Variants in DHRSX observed in about 807,000 individuals in gnomAD.
DHRSX encodes polyprenol dehydrogenase.
Under a neutral mutation model 34.0 loss-of-function variants are expected in DHRSX, and 31 were observed. The ratio of observed to expected loss-of-function variants is 0.91; its 90% confidence interval spans 0.69 to 1.23. The LOEUF (loss-of-function observed/expected upper bound fraction) is 1.23, where lower values mean the gene tolerates loss of function less well. Among genes scored for constraint, DHRSX ranks in the 50% most tolerant of loss-of-function variants. The pLI is 0.00. For synonymous variants in DHRSX, 201 were observed against 183.8 expected (o/e 1.09, Z -0.76); for missense variants, 414 against 428.1 (o/e 0.97, Z 0.29).
chrX:2,363,893 G>A (rs370591677), intron 3 of DHRSX, among the ~76,000 whole-genome samples: 20 of 152,060 alleles, frequency 1.3e-4, no homozygotes, highest in Admixed American at 2.0e-4. Context: ...AAGAATCCCC[G>A]CCACAAAACC....
intron 1 of DHRSX, among the ~76,000 whole-genome samples, chrX:2,498,863 G>C (rs2045345775): frequency 6.6e-6 from 1 of 152,112 alleles, no homozygotes; most frequent in South Asian, 2.1e-4. Flanking sequence ...CCTTGCAACT[G>C]ATTACTTACT....
chrX:2,224,616 A>T (rs954255429), intron 6 of DHRSX, among the ~76,000 whole-genome samples: 8 of 152,168 alleles, frequency 5.3e-5, no homozygotes, highest in African/African-American at 1.9e-4. Flanking sequence ...ACACACGCAC[A>T]CACATATTCA....
At chrX:2,340,446 C>CTGTGTGTG (rs779075679) in intron 3 of DHRSX, among the ~76,000 whole-genome samples, 1 of 150,574 alleles carries the variant, frequency 6.6e-6, no homozygotes, top group African/African-American at 2.4e-5. Flanking sequence ...GTGCGTCTGT[C>CTGTGTGTG]TGTGTGTGTG....
chrX:2,297,407 G>A (rs1022339974), intron 3 of DHRSX, among the ~76,000 whole-genome samples: 5 of 152,114 alleles, frequency 3.3e-5, no homozygotes, highest in African/African-American at 1.2e-4. Context: ...ACCGTCGTGA[G>A]CCACCTTGCC....
intron 2 of DHRSX, among the ~76,000 whole-genome samples, chrX:2,424,090 G>C (rs2043813629): frequency 6.6e-6 from 1 of 152,106 alleles, no homozygotes; most frequent in Admixed American, 6.6e-5. Flanking sequence ...TCACCAGAGT[G>C]GGCCCCGATC....
intron 5 of DHRSX, among the ~76,000 whole-genome samples, chrX:2,243,833 C>A: frequency 1.3e-5 from 1 of 76,134 alleles, no homozygotes. Context: ...GAGACAGATT[C>A]TCACTCTGTC....
intron 4 of DHRSX, among the ~76,000 whole-genome samples, chrX:2,274,752 C>A (rs1283754480): frequency 5.3e-5 from 8 of 152,084 alleles, no homozygotes. Flanking sequence ...TTTTAAACCA[C>A]AGTGTCACGG....
intron 3 of DHRSX, chrX:2,392,562 A>G: frequency 5.5e-6 from 1 of 182,546 alleles, no homozygotes; most frequent in South Asian, 1.2e-4. Flanking sequence ...TGTATTATAT[A>G]TTATATGTTA....
Position 2,223,695 on chromosome X carries a change from C to G in DHRSX, c.805-2466G>C, listed in dbSNP as rs149148154. On this transcript the variant is annotated intron_variant, in intron 6 of 6. Coordinates refer to ENST00000334651, the MANE Select transcript of DHRSX (RefSeq NM_145177.3). ...GTTTGAGGGTCTTTCTCTGGGGCAG[C>G]CTTCAACGCAGAAAGAGGTTTTATT... 1.6e-3 allele frequency among the ~76,000 whole-genome samples: 238 copies of G among 151,754 alleles called. 2 individuals are homozygous for G. Among genetic ancestry groups the G allele is most frequent in the African/African-American group, 5.6e-3 (231 of 41,094 alleles).
At chrX:2,362,797 T>A (rs1569493797) in intron 3 of DHRSX, among the ~76,000 whole-genome samples, 2 of 149,886 alleles carry the variant, frequency 1.3e-5, no homozygotes, top group Admixed American at 6.7e-5. Context: ...CATGCCGCCA[T>A]TTTATCACCG....
At chrX:2,229,289 C>T (rs1347307082) in intron 6 of DHRSX, among the ~76,000 whole-genome samples, 1 of 152,032 alleles carries the variant, frequency 6.6e-6, no homozygotes, top group Non-Finnish European at 1.5e-5. Context: ...CGGAGTAATG[C>T]TGTGGTCAAA....
intron 1 of DHRSX, among the ~76,000 whole-genome samples, chrX:2,454,143 T>C (rs1389766487): frequency 6.6e-6 from 1 of 152,134 alleles, no homozygotes; most frequent in Admixed American, 6.6e-5. Flanking sequence ...TATTTAACAG[T>C]GTCTCCTCTT....
Position 2,422,942 on chromosome X carries a change from G to A in DHRSX, c.217+2255C>T, listed in dbSNP as rs1262139944. Among the ~76,000 whole-genome samples, 4 of 151,478 alleles carry A rather than the reference G, an allele frequency of 2.6e-5. No individual in the cohort carries two copies. The East Asian group carries it at 6.0e-4, about 23-fold the overall frequency. ...TGGGACTACAGGCGCCCACCACCACGCAGGCACTCACCCCCAAGCCCAGCT... is the reference window on the plus strand; with the variant it reads ...TGGGACTACAGGCGCCCACCACCACACAGGCACTCACCCCCAAGCCCAGCT... On this transcript the variant is annotated intron_variant, in intron 2 of 6. Transcript: ENST00000334651.
At chrX:2,493,879 C>T (rs1342085553) in intron 1 of DHRSX, among the ~76,000 whole-genome samples, 2 of 151,882 alleles carry the variant, frequency 1.3e-5, no homozygotes, top group Non-Finnish European at 2.9e-5. Flanking sequence ...GGCTGAGGCA[C>T]GAGAATCGTT....
In DHRSX at chrX:2,259,221, C is replaced by T. The variant is rs746417519; in HGVS notation, c.596+7519G>A. Among the ~76,000 whole-genome samples, 3 of 150,934 alleles carry T rather than the reference C, an allele frequency of 2.0e-5. No homozygotes were observed. In the East Asian group the frequency reaches 5.9e-4, roughly 29 times the overall value. On this transcript the variant is annotated intron_variant, in intron 5 of 6. Coordinates refer to ENST00000334651, the MANE Select transcript of DHRSX (RefSeq NM_145177.3). ...CCAGGAGGTAGAGGTTGCAGTGAGC[C>T]GAGATCGCACCACTGCATTGCAGCC...
chrX:2,329,381 A>G (rs2042429496), intron 3 of DHRSX, among the ~76,000 whole-genome samples: 2 of 152,176 alleles, frequency 1.3e-5, no homozygotes, highest in Non-Finnish European at 1.5e-5. Flanking sequence ...TTCAAACGCC[A>G]TATTGGTTTT....
chrX:2,458,998 G>A (rs1193554178), intron 1 of DHRSX, among the ~76,000 whole-genome samples: 1 of 151,850 alleles, frequency 6.6e-6, no homozygotes, highest in Non-Finnish European at 1.5e-5. Flanking sequence ...AATTAACCAG[G>A]TGTGGTGGTG....
chrX:2,417,833 TC>T (rs1343072773), intron 2 of DHRSX, among the ~76,000 whole-genome samples: 1 of 152,016 alleles, frequency 6.6e-6, no homozygotes, highest in East Asian at 1.9e-4. Context: ...TTCATCACAT[TC>T]TACTCAACTA....
chrX:2,451,399 C>T (rs1204206941), intron 1 of DHRSX, among the ~76,000 whole-genome samples: 5 of 152,260 alleles, frequency 3.3e-5, no homozygotes, highest in South Asian at 2.1e-4. Flanking sequence ...ACACTAGAAG[C>T]CTCTGATAGG....
Sources: gnomAD v4.1 joint callset for allele counts (sites outside exome capture counted in the v4.1 genomes callset) on GRCh38, gnomAD v4.1.1 for gene constraint, MANE v1.5 for transcripts, NCBI Gene and HGNC (gene_info 2026-07-23, HGNC 2026-07-21) for gene names.